MTOR: variants seen among roughly 807,000 people sequenced by gnomAD.
The protein encoded by MTOR is serine/threonine-protein kinase mTOR.
A neutral mutation model predicts 319.8 loss-of-function variants in MTOR; 70 were observed. The ratio of observed to expected loss-of-function variants is 0.22; its 90% CI spans 0.18 to 0.27. The LOEUF (loss-of-function observed/expected upper bound fraction) is 0.27, where lower values mean the gene tolerates loss of function less well. Among genes scored for constraint, MTOR ranks in the 10% least tolerant of loss-of-function variants. The pLI is 1.00. For missense variants in MTOR, 1,890 were observed against 3,274.4 expected (o/e 0.58, Z 10.32); for synonymous variants, 1,183 against 1,211.4 (o/e 0.98, Z 0.49).
Position 11,233,498 on chromosome 1 carries a change from A to G in MTOR, c.2332-11T>C. On this transcript the variant is annotated splice_polypyrimidine_tract_variant and intron_variant, in intron 14 of 57. Transcript: ENST00000361445. ...TTTCAAAATTAATGCCTAGAGAAAG[A>G]AGTTATGAGAAAATGAATGCAGATT... The G allele has an allele frequency of 1.9e-6, 3 of 1,607,018 alleles. No homozygotes were observed. The highest frequency in any genetic ancestry group is 2.6e-6 in the Non-Finnish European group (3 of 1,173,570).
intron 20 of MTOR, among the ~76,000 whole-genome samples, 171 bp from the exon 21 acceptor site, chr1:11,213,737 C>G (rs1569583456): frequency 6.6e-6 from 1 of 152,310 alleles, no homozygotes; most frequent in Middle Eastern, 3.4e-3. Flanking sequence ...TATGTTGCAG[C>G]TACACTGGAC....
intron 29 of MTOR, among the ~76,000 whole-genome samples, chr1:11,162,778 A>T (rs1644517551): frequency 6.6e-6 from 1 of 152,200 alleles, no homozygotes; most frequent in Admixed American, 6.5e-5. Context: ...AGAGCTCCTG[A>T]AGGAAGCACT....
chr1:11,192,359 C>G, intron 28 of MTOR: 1 of 1,612,758 alleles, frequency 6.2e-7, no homozygotes. Flanking sequence ...CCTGGGCAGC[C>G]CTGAACTGGA....
chr1:11,244,852 C>T (rs1418174849), intron 8 of MTOR, among the ~76,000 whole-genome samples: 1 of 152,114 alleles, frequency 6.6e-6, no homozygotes, highest in Admixed American at 6.5e-5. Context: ...AAGTTGTAGC[C>T]CAGGAGCAAT....
chr1:11,188,088 G>A (rs1054300734), intron 28 of MTOR, among the ~76,000 whole-genome samples: 1 of 152,218 alleles, frequency 6.6e-6, no homozygotes, highest in Non-Finnish European at 1.5e-5. Flanking sequence ...TGGCATGGGA[G>A]GAGAGCTGTC....
intron 9 of MTOR, 66 bp downstream of exon 9, chr1:11,243,048 G>C: frequency 6.3e-7 from 1 of 1,583,940 alleles, no homozygotes; most frequent in South Asian, 1.1e-5. Context: ...CCGTGGATCT[G>C]AAATAGAGCG....
intron 29 of MTOR, among the ~76,000 whole-genome samples, chr1:11,164,671 G>A (rs1459500331): frequency 6.6e-6 from 1 of 152,148 alleles, no homozygotes; most frequent in Admixed American, 6.5e-5. Context: ...GTGGTACAAA[G>A]AGGAGCTGGT....
At chr1:11,112,610 C>G (rs1245601564) in intron 54 of MTOR, among the ~76,000 whole-genome samples, 1 of 152,186 alleles carries the variant, frequency 6.6e-6, no homozygotes, top group Non-Finnish European at 1.5e-5. Context: ...GTTATGCCTC[C>G]TACTGTCAAT....
chr1:11,163,681 C>A (rs1376807507), intron 29 of MTOR, among the ~76,000 whole-genome samples: 2 of 152,204 alleles, frequency 1.3e-5, no homozygotes, highest in African/African-American at 4.8e-5. Context: ...TCCTGAATGA[C>A]TACTGGGTAC....
chr1:11,187,012 C>G (rs1029151545), intron 28 of MTOR, among the ~76,000 whole-genome samples: 1 of 152,164 alleles, frequency 6.6e-6, no homozygotes, highest in Non-Finnish European at 1.5e-5. Flanking sequence ...TACAAACTTA[C>G]GAACCTCCTC....
At chr1:11,229,065 G>A (rs1478652952) in intron 18 of MTOR, 147 bp from the exon 19 acceptor site, 1 of 1,061,772 alleles carries the variant, frequency 9.4e-7, no homozygotes, top group Non-Finnish European at 1.4e-6. Context: ...GGGAGTTCAA[G>A]GTCTATTAGG....
chr1:11,231,261 A>T, intron 17 of MTOR, 39 bp downstream of exon 17: 1 of 1,612,862 alleles, frequency 6.2e-7, no homozygotes, highest in African/African-American at 1.3e-5. Context: ...CCATCGTCCC[A>T]GCAAAGTCTT....
chr1:11,150,143 G>A lies in MTOR; in HGVS notation c.4553C>T (p.Ala1518Val), dbSNP rs1644090444. The stretch of plus-strand genomic sequence containing the variant: ...AGCTTTACCTAAACCCCATGCAGCT[G>A]CAGCAGCCATCCGGGCCATCTTGGC... ...TQAKMARMAA[A>V]AAWGLGQWDS... is the part of the protein sequence containing the mutation. Residue 1518 changes from alanine to valine, a missense_variant, in exon 31 of 58, where the codon GCA (alanine) becomes GTA (valine). Physicochemically the swap from Ala to Val is moderately conservative, Grantham distance 64. Around this residue, in one of 15 missense-constraint regions of MTOR, gnomAD observed 276 missense variants for 459.4 expected, o/e 0.60. Coordinates refer to ENST00000361445, the MANE Select transcript of MTOR (RefSeq NM_004958.4). 6.2e-7 allele frequency: 1 copy of A among 1,613,840 alleles called. No individual in the cohort carries two copies. The highest frequency in any genetic ancestry group is 8.5e-7 in the Non-Finnish European group (1 of 1,179,956).
At chr1:11,237,713 C>T in intron 13 of MTOR, 130 bp downstream of exon 13, 5 of 953,476 alleles carry the variant, frequency 5.2e-6, no homozygotes, top group Non-Finnish European at 6.4e-6. Flanking sequence ...CCTTTGCAGA[C>T]AAATGCGGCT....
intron 5 of MTOR, among the ~76,000 whole-genome samples, chr1:11,254,585 C>T (rs1432187627): frequency 1.8e-5 from 2 of 111,644 alleles, no homozygotes; most frequent in Non-Finnish European, 4.2e-5. Context: ...CTCCCAATCC[C>T]ATGTTCAGAG....
At chr1:11,169,477 T>C (rs917555597) in intron 28 of MTOR, among the ~76,000 whole-genome samples, 2 of 152,164 alleles carry the variant, frequency 1.3e-5, no homozygotes, top group Admixed American at 1.3e-4. Flanking sequence ...CAGCCTTGGA[T>C]TTGGAGTCAG....
At chr1:11,126,967 A>C in intron 45 of MTOR, 43 bp downstream of exon 45, 1 of 1,610,698 alleles carries the variant, frequency 6.2e-7, no homozygotes, top group Non-Finnish European at 8.5e-7. Context: ...AACAGAAAGG[A>C]CTATAATGAC....
intron 5 of MTOR, among the ~76,000 whole-genome samples, chr1:11,254,548 C>G (rs1569834603): frequency 6.6e-6 from 1 of 152,110 alleles, no homozygotes; most frequent in East Asian, 1.9e-4. Context: ...CAAGATCACA[C>G]AGCAAAGGCA....
intron 1 of MTOR, among the ~76,000 whole-genome samples, chr1:11,262,102 G>A (rs1247216029): frequency 1.3e-5 from 2 of 152,218 alleles, no homozygotes; most frequent in Non-Finnish European, 2.9e-5. Flanking sequence ...GGACGCTAGT[G>A]TTCCCTGGGG....
Sources: gnomAD v4.1 joint callset for allele counts (sites outside exome capture counted in the v4.1 genomes callset) on GRCh38, gnomAD v4.1.1 for gene constraint, gnomAD v4.1.1 regional missense constraint, MANE v1.5 for transcripts, NCBI Gene and HGNC (gene_info 2026-07-23, HGNC 2026-07-21) for gene names.